The following CLCC1 variants were observed in gnomAD, a reference collection of about 807,000 sequenced individuals.
CLCC1 encodes chloride channel CLIC-like protein 1.
Under a neutral mutation model 63.3 loss-of-function variants are expected in CLCC1, and 39 were observed. The observed-to-expected ratio is 0.62, with a 90% CI of 0.48 to 0.81. CLCC1 has a LOEUF of 0.81. CLCC1 is among the 30% of genes least tolerant of loss of function. The probability of loss-of-function intolerance (pLI) is 0.00; values close to 1 mark genes in which losing one functional copy is unlikely to be tolerated. For missense variants in CLCC1, 549 were observed against 669.4 expected, an observed-to-expected ratio of 0.82 and a Z score of 1.98; for synonymous variants, 217 against 239.8, an observed-to-expected ratio of 0.90 and a Z score of 0.88.
intron 1 of CLCC1, 86 bp from the exon 2 acceptor site, chr1:108,962,555 T>G (rs1178015316): frequency 6.6e-6 from 1 of 152,196 alleles, no homozygotes; most frequent in African/African-American, 2.4e-5. Flanking sequence ...GCTTATGGTG[T>G]GTCTAACTTT....
chr1:108,963,323 C>T (rs927092890), intron 1 of CLCC1, 38 bp downstream of exon 1: 14 of 687,618 alleles, frequency 2.0e-5, no homozygotes, highest in African/African-American at 8.8e-5. Context: ...GTAACCCGCC[C>T]CACCCGCCGC....
chr1:108,941,676 C>T (rs1208304618), intron 7 of CLCC1, among the ~76,000 whole-genome samples, 178 bp from the exon 8 acceptor site: 1 of 151,918 alleles, frequency 6.6e-6, no homozygotes, highest in African/African-American at 2.4e-5. Context: ...TTTCCTGAGA[C>T]GGAGTCTCGC....
At chr1:108,939,196 A>T (rs12043523) in intron 10 of CLCC1, among the ~76,000 whole-genome samples, 11 of 144,506 alleles carry the variant, frequency 7.6e-5, no homozygotes, top group South Asian at 6.4e-4. Flanking sequence ...TATATATATA[A>T]ATATAAATAT....
In CLCC1 at chr1:108,931,179, C is replaced by A. The variant is rs1451195139; in HGVS notation, c.*1368G>T. On this transcript the variant is annotated 3_prime_UTR_variant, in exon 13 of 13. Coordinates refer to ENST00000369969, the MANE Select transcript of CLCC1 (RefSeq NM_001377458.1). Reference sequence around the variant, plus strand: ...TCTAATATAAAAACAAAAAACAAAACCCATGTGGTTAGGTCAAGAACCTAG... The same window carrying A: ...TCTAATATAAAAACAAAAAACAAAAACCATGTGGTTAGGTCAAGAACCTAG... The A allele has an allele frequency of 8.1e-6, 7 of 859,532 alleles. No individual in the cohort carries two copies. The highest frequency in any genetic ancestry group is 1.7e-5 in the African/African-American group (1 of 57,628). The allele number at this position is 859,532 out of a possible 1,614,324, so 53.2% of individuals were successfully genotyped here.
chr1:108,931,619 G>T lies in CLCC1; in HGVS notation c.*928C>A. On this transcript the variant is annotated 3_prime_UTR_variant, in exon 13 of 13. Coordinates refer to ENST00000369969, the MANE Select transcript of CLCC1 (RefSeq NM_001377458.1). ...CATAACCTGGAATTAATTACATTAA[G>T]TGCTCAGCTAAAAAAAAAAAAAAAG... 3.1e-5 allele frequency: 35 copies of T among 1,124,208 alleles called. No individual in the cohort carries two copies. Among genetic ancestry groups the T allele is most frequent in the African/African-American group, 3.7e-5 (2 of 53,586 alleles). 69.6% of individuals were successfully genotyped at this position (1,124,208 alleles called of 1,614,324 possible). A position where few individuals can be genotyped will look rare whatever the true frequency, so the allele number is the denominator to read the frequency against.
intron 1 of CLCC1, among the ~76,000 whole-genome samples, chr1:108,962,950 T>A (rs1656859149): frequency 6.6e-6 from 1 of 152,196 alleles, no homozygotes; most frequent in Non-Finnish European, 1.5e-5. Context: ...AATTCACAGA[T>A]TTGAAGTTTT....
Position 108,941,406 on chromosome 1 carries a change from C to G in CLCC1, c.795G>C (p.Trp265Cys), listed in dbSNP as rs756630084. The G allele has an allele frequency of 6.2e-7, 1 of 1,613,414 alleles. No individual in the cohort carries two copies. Among genetic ancestry groups the G allele is most frequent in the Non-Finnish European group, 8.5e-7 (1 of 1,179,550 alleles). The part of the protein sequence containing the change: ...AKKMDWTGSI[W>C]EWFRSSWTYK... ...AGGACAAGTGCACAAACACCTTACCCCAGATACTTCCAGTCCAGTCCATCT... is the reference window on the plus strand; with the variant it reads ...AGGACAAGTGCACAAACACCTTACCGCAGATACTTCCAGTCCAGTCCATCT... The change falls in exon 8 of 13, where the codon TGG becomes TGC. Residue 265 changes from tryptophan (W) to cysteine (C), a missense_variant and splice_region_variant. Physicochemically the swap from Trp to Cys is radical, Grantham distance 215. Coordinates refer to ENST00000369969, the MANE Select transcript of CLCC1 (RefSeq NM_001377458.1).
chr1:108,943,704 C>A, intron 6 of CLCC1, 89 bp from the exon 7 acceptor site: 3 of 1,543,846 alleles, frequency 1.9e-6, no homozygotes, highest in Non-Finnish European at 2.7e-6. Context: ...ATCATTTCTA[C>A]AATTTTGTGG....
chr1:108,951,877 G>A (rs552431639), intron 2 of CLCC1, among the ~76,000 whole-genome samples: 4 of 149,610 alleles, frequency 2.7e-5, no homozygotes, highest in South Asian at 2.1e-4. Flanking sequence ...TCAAGTGATC[G>A]GCCCACCTCA....
At position 108,934,766 on chromosome 1, in the gene CLCC1, T is replaced by G; in HGVS notation, c.1560A>C (p.Glu520Asp). The G allele has an allele frequency of 6.2e-7, 1 of 1,614,198 alleles. No individual in the cohort carries two copies. The highest frequency in any genetic ancestry group is 8.5e-7 in the Non-Finnish European group (1 of 1,180,034). Residue 520 changes from glutamate to aspartate, a missense_variant, in exon 12 of 13, where the codon GAA (glutamate) becomes GAC (aspartate). Coordinates refer to ENST00000369969, the MANE Select transcript of CLCC1 (RefSeq NM_001377458.1). ...PAAEKAQLKS[E>D]AAGSPDQGST... ...TGCCTTGGTCTGGGCTGCCTGCGGCTTCAGACTTGAGCTGGGCCTTTTCCG... is the reference window on the plus strand; with the variant it reads ...TGCCTTGGTCTGGGCTGCCTGCGGCGTCAGACTTGAGCTGGGCCTTTTCCG...
chr1:108,943,678 G>T, intron 6 of CLCC1, 63 bp from the exon 7 acceptor site: 1 of 1,589,002 alleles, frequency 6.3e-7, no homozygotes, highest in Non-Finnish European at 8.6e-7. Flanking sequence ...AAAAGAACTG[G>T]ACTCAAAAGC....
intron 6 of CLCC1, 59 bp from the exon 7 acceptor site, chr1:108,943,674 A>T (rs1654146266): frequency 6.3e-7 from 1 of 1,596,966 alleles, no homozygotes; most frequent in Non-Finnish European, 8.6e-7. Flanking sequence ...GCTAAAAAGA[A>T]CTGGACTCAA....
At chr1:108,941,802 C>T (rs747386702) in intron 7 of CLCC1, among the ~76,000 whole-genome samples, 9 of 152,124 alleles carry the variant, frequency 5.9e-5, no homozygotes, top group South Asian at 2.1e-4. Context: ...TAAAGGTGCC[C>T]GCTACCACGC....
intron 2 of CLCC1, among the ~76,000 whole-genome samples, chr1:108,958,979 GC>G (rs1656282740): frequency 6.6e-6 from 1 of 151,180 alleles, no homozygotes; most frequent in African/African-American, 2.5e-5. Flanking sequence ...TTTGAGATCA[GC>G]CTGACCAACA....
rs1651916052 is a variant in CLCC1, at chr1:108,931,320, A to T, written c.*1227T>A. 2 of 1,547,614 alleles carry T rather than the reference A, an allele frequency of 1.3e-6. No individual in the cohort carries two copies. The highest frequency in any genetic ancestry group is 1.7e-6 in the Non-Finnish European group (2 of 1,145,190). ...TTGTCTTCCTTATCCCAGATATTGAAGGCAGTTTACAAGGGGATGATAACA... is the reference window on the plus strand; with the variant it reads ...TTGTCTTCCTTATCCCAGATATTGATGGCAGTTTACAAGGGGATGATAACA... On this transcript the variant is annotated 3_prime_UTR_variant, in exon 13 of 13. Coordinates refer to ENST00000369969, the MANE Select transcript of CLCC1 (RefSeq NM_001377458.1).
chr1:108,958,486 A>C (rs1656207389), intron 2 of CLCC1, among the ~76,000 whole-genome samples: 1 of 151,528 alleles, frequency 6.6e-6, no homozygotes, highest in African/African-American at 2.5e-5. Flanking sequence ...TACTTTACTT[A>C]ATAATGGCCC....
intron 10 of CLCC1, among the ~76,000 whole-genome samples, chr1:108,938,912 C>A (rs1653390945): frequency 1.3e-5 from 2 of 151,930 alleles, no homozygotes; most frequent in South Asian, 2.1e-4. Context: ...GAACTACTTT[C>A]TTGATTATAA....
chr1:108,950,486 A>T, intron 2 of CLCC1, 38 bp from the exon 3 acceptor site: 1 of 1,209,498 alleles, frequency 8.3e-7, no homozygotes, highest in Non-Finnish European at 1.1e-6. Context: ...AAATAGAATT[A>T]TTTTTTTAAA....
rs200061934 is a variant in CLCC1, at chr1:108,940,118, T to C, written c.821A>G (p.Tyr274Cys). 24 of 1,612,428 alleles carry C rather than the reference T, an allele frequency of 1.5e-5. No individual in the cohort carries two copies. The highest frequency in any genetic ancestry group is 1.1e-5 in the South Asian group (1 of 90,992). ...IWEWFRSSWT[Y>C]KDDPCQKYYE... ...GTATTTTTGGCATGGGTCATCCTTA[T>C]AGGTCCATGAACTTCTAAACCATTC... The change falls in exon 9 of 13, where the codon TAT becomes TGT. Residue 274 changes from tyrosine (Y) to cysteine (C), a missense_variant. By Grantham distance (194) the Tyr-to-Cys change is radical. Coordinates refer to ENST00000369969, the MANE Select transcript of CLCC1 (RefSeq NM_001377458.1).
Sources: allele counts gnomAD v4.1 joint callset (sites outside exome capture counted in the v4.1 genomes callset), GRCh38; gene constraint gnomAD v4.1.1; transcripts MANE v1.5; gene names NCBI Gene and HGNC (gene_info 2026-07-23, HGNC 2026-07-21).